ZNF329: variants seen among roughly 807,000 people sequenced by gnomAD.
ZNF329 encodes zinc finger protein 329.
In ZNF329, 15 loss-of-function variants were observed where a neutral mutation model predicts 26.6. The ratio of observed to expected loss-of-function variants is 0.56; its 90% CI spans 0.38 to 0.87. ZNF329 has a LOEUF of 0.87. Among genes scored for constraint, ZNF329 ranks in the 40% least tolerant of loss-of-function variants. The pLI is 0.00. For synonymous variants in ZNF329, 239 were observed against 233.5 expected (o/e 1.02, Z -0.21); for missense variants, 651 against 651.9 (o/e 1.00, Z 0.02).
chr19:58,134,964 C>CA (rs1568663916), intron 3 of ZNF329, among the ~76,000 whole-genome samples: 4 of 151,732 alleles, frequency 2.6e-5, no homozygotes. Context: ...CAATCAACAA[C>CA]AAAAAAACAC....
chr19:58,145,417 G>T (rs1434009617), intron 1 of ZNF329, among the ~76,000 whole-genome samples: 5 of 150,190 alleles, frequency 3.3e-5, no homozygotes, highest in African/African-American at 5.0e-5. Context: ...CGCCTCCTGG[G>T]TTTAAGTGAT....
rs1279616892 is a variant in ZNF329 at position 58,147,545 on chromosome 19, T to TG, written c.-208+3206dup. Among the ~76,000 whole-genome samples, 39 of 97,660 alleles carry TG rather than the reference T, an allele frequency of 4.0e-4. 1 individual carries two copies. The East Asian group carries it at 4.6e-3, about 12-fold the overall frequency. 64.1% of individuals were successfully genotyped at this position (97,660 alleles called of 152,430 possible). A position where few individuals can be genotyped will look rare whatever the true frequency, so the allele number is the denominator to read the frequency against. Reference sequence around the variant, plus strand: ...CCAGCCGCCCCGCCCGGGAGGGAGGTGGGGGGGTCAGCCCCCCGCCCGGCC... The same window carrying TG: ...CCAGCCGCCCCGCCCGGGAGGGAGGTGGGGGGGGTCAGCCCCCCGCCCGGCC... On this transcript the variant is annotated intron_variant, in intron 1 of 3. Coordinates refer to ENST00000598312, the MANE Select transcript of ZNF329 (RefSeq NM_024620.4).
chr19:58,131,762 G>A (rs369508599), intron 3 of ZNF329, among the ~76,000 whole-genome samples: 3 of 152,132 alleles, frequency 2.0e-5, no homozygotes, highest in Non-Finnish European at 2.9e-5. Flanking sequence ...AGTGGGTCAC[G>A]CCTGTAATCC....
intron 3 of ZNF329, among the ~76,000 whole-genome samples, chr19:58,138,105 A>G (rs967755039): frequency 1.3e-5 from 2 of 152,246 alleles, no homozygotes; most frequent in Non-Finnish European, 2.9e-5. Flanking sequence ...TAGGAATGTA[A>G]GGACTAGGAA....
Position 58,128,327 on chromosome 19 carries a change from G to T in ZNF329, c.1177C>A (p.His393Asn). The T allele has an allele frequency of 1.9e-6, 3 of 1,614,130 alleles. No homozygotes were observed. The highest frequency in any genetic ancestry group is 2.5e-6 in the Non-Finnish European group (3 of 1,180,010). ...NSHLIVHQKIHSGEKPYECKE... is the reference protein window; with the variant it reads ...NSHLIVHQKINSGEKPYECKE... ...CATTCATAGGGTTTCTCCCCAGAAT[G>T]GATCTTTTGATGCACAATGAGGTGA... Residue 393 changes from histidine (H) to asparagine (N), a missense_variant, in exon 4 of 4, where the codon CAT becomes AAT. Transcript: ENST00000598312.
upstream of ZNF329, among the ~76,000 whole-genome samples, chr19:58,151,744 G>A (rs1324881574): frequency 1.3e-5 from 2 of 152,022 alleles, no homozygotes; most frequent in African/African-American, 4.8e-5. Flanking sequence ...GTTATACAGA[G>A]ATTGATACAT....
chr19:58,147,963 G>A (rs555912339), intron 1 of ZNF329, among the ~76,000 whole-genome samples: 110 of 152,220 alleles, frequency 7.2e-4, no homozygotes, highest in African/African-American at 2.6e-3. Flanking sequence ...GGGGGGAAAG[G>A]TGGGGAAAAG....
At chr19:58,147,383 G>A (rs370335292) in intron 1 of ZNF329, among the ~76,000 whole-genome samples, 31,235 of 147,782 alleles carry the variant, frequency 0.21, 3,531 homozygotes, top group Middle Eastern at 0.31. Context: ...AGTGAGGAGC[G>A]TCTCCGCCTG....
At chr19:58,136,692 A>AT (rs1477757907) in intron 3 of ZNF329, 6 of 91,524 alleles carry the variant, frequency 6.6e-5, no homozygotes, top group Non-Finnish European at 1.7e-4. Flanking sequence ...TCCAAAAAAA[A>AT]AAAAAAAAAA....
At position 58,127,929 on chromosome 19, in the gene ZNF329, G is replaced by A. The variant is rs34445868; in HGVS notation, c.1575C>T (p.Ser525=). The change falls in exon 4 of 4, where the codon TCC becomes TCT. Residue 525 remains serine, a synonymous_variant. Transcript: ENST00000598312. Reference sequence around the variant, plus strand: ...GGTGTGCTCTTTGATGTCGAACAAGGGATGAGCTCTTTTGGAACATTTTTC... The same window carrying A: ...GGTGTGCTCTTTGATGTCGAACAAGAGATGAGCTCTTTTGGAACATTTTTC... The part of the protein sequence containing the change: ...QCGKMFQKSS[S]LVRHQRAHLG... 3.7e-3 allele frequency: 6,012 copies of A among 1,612,200 alleles called. 165 individuals are homozygous for A. In the African/African-American group the frequency reaches 0.064, roughly 17 times the overall value.
chr19:58,146,172 A>G (rs1228895785), intron 1 of ZNF329, among the ~76,000 whole-genome samples: 1 of 152,114 alleles, frequency 6.6e-6, no homozygotes, highest in Non-Finnish European at 1.5e-5. Context: ...GGAATTCTGT[A>G]TCAATAATAA....
intron 1 of ZNF329, among the ~76,000 whole-genome samples, chr19:58,144,169 GTTAT>G (rs1455106436): frequency 6.6e-6 from 1 of 151,886 alleles, no homozygotes; most frequent in East Asian, 1.9e-4. Context: ...TTTTGTTGTT[GTTAT>G]TTTTTATTTT....
chr19:58,151,030 TTATC>T (rs376272987), upstream of ZNF329, among the ~76,000 whole-genome samples: 133 of 152,398 alleles, frequency 8.7e-4, 1 homozygote, highest in East Asian at 0.017. Flanking sequence ...AAATATTTCT[TTATC>T]TATAATCTTT....
At chr19:58,146,517 G>GTCCCTC (rs990120515) in intron 1 of ZNF329, among the ~76,000 whole-genome samples, 6 of 150,958 alleles carry the variant, frequency 4.0e-5, no homozygotes, top group African/African-American at 1.2e-4. Context: ...GAGGAAGGTA[G>GTCCCTC]TCCCTCTCCC....
intron 3 of ZNF329, among the ~76,000 whole-genome samples, chr19:58,140,951 A>G (rs1297912293): frequency 6.7e-6 from 1 of 148,914 alleles, no homozygotes; most frequent in Admixed American, 6.8e-5. Flanking sequence ...GCTCACTGCA[A>G]CCTCCACCTC....
intron 3 of ZNF329, among the ~76,000 whole-genome samples, chr19:58,141,635 T>TA (rs943005140): frequency 6.6e-6 from 1 of 152,048 alleles, no homozygotes; most frequent in Non-Finnish European, 1.5e-5. Flanking sequence ...TTCATGCCTG[T>TA]AATCCCAGCA....
chr19:58,128,753 T>G lies in ZNF329; in HGVS notation c.751A>C (p.Arg251=), dbSNP rs2074862284. Residue 251 remains arginine (R), a synonymous_variant, in exon 4 of 4, where the codon AGA becomes CGA. Coordinates refer to ENST00000598312, the MANE Select transcript of ZNF329 (RefSeq NM_024620.4). ...TAGGGCTTCTCTCCTGTGTGGATTC[T>G]TTGATGCACAATCAGGTTGTAGTTC... ...SKNYNLIVHQ[R]IHTGEKPYEC... 1 of 1,604,588 alleles carries G rather than the reference T, an allele frequency of 6.2e-7. No individual in the cohort carries two copies. The highest frequency in any genetic ancestry group is 1.3e-5 in the African/African-American group (1 of 74,456).
At chr19:58,130,753 T>C (rs1219091170) in intron 3 of ZNF329, among the ~76,000 whole-genome samples, 1 of 151,936 alleles carries the variant, frequency 6.6e-6, no homozygotes, top group African/African-American at 2.4e-5. Flanking sequence ...CTGTAAATGG[T>C]TGCATGTGTC....
At position 58,143,122 on chromosome 19, in the gene ZNF329, T is replaced by C. The variant is rs2075223204; in HGVS notation, c.-131A>G. ...GTGCATACCTGAAGTCCCAGCTACT[T>C]GGTAGCCCAGGAGCTCAAGGCTGCA... On this transcript the variant is annotated 5_prime_UTR_variant, in exon 2 of 4. Coordinates refer to ENST00000598312, the MANE Select transcript of ZNF329 (RefSeq NM_024620.4). The C allele has an allele frequency of 6.6e-6, 1 of 152,258 alleles. No individual in the cohort carries two copies. The highest frequency in any genetic ancestry group is 1.5e-5 in the Non-Finnish European group (1 of 68,132). The allele number at this position is 152,258 out of a possible 1,614,324, so 9.4% of individuals were successfully genotyped here.
Sources: gnomAD v4.1 joint callset for allele counts (sites outside exome capture counted in the v4.1 genomes callset) on GRCh38, gnomAD v4.1.1 for gene constraint, MANE v1.5 for transcripts, NCBI Gene and HGNC (gene_info 2026-07-23, HGNC 2026-07-21) for gene names.